UBAC2: variants seen among roughly 807,000 people sequenced by gnomAD.
UBAC2 encodes the protein UBA domain containing 2, also known as ubiquitin-associated domain-containing protein 2.
Under a neutral mutation model 44.0 loss-of-function variants are expected in UBAC2, and 26 were observed. That is an observed-to-expected ratio of 0.59 (90% CI 0.43 to 0.82). The LOEUF is 0.82. UBAC2 is among the 40% of genes least tolerant of loss of function. The probability of loss-of-function intolerance (pLI) is 0.00; values close to 1 mark genes in which losing one functional copy is unlikely to be tolerated. For missense variants in UBAC2, 329 were observed against 419.4 expected (o/e 0.78, Z 1.88); for synonymous variants, 155 against 154.3 (o/e 1.00, Z -0.04).
chr13:99,201,350 C>T, intron 1 of UBAC2: 1 of 1,552,892 alleles, frequency 6.4e-7, no homozygotes, highest in South Asian at 1.2e-5. Flanking sequence ...AACTAACTCC[C>T]CCCGCCCCCA....
At chr13:99,346,778 A>T (rs1455237128) in intron 7 of UBAC2, among the ~76,000 whole-genome samples, 1 of 152,158 alleles carries the variant, frequency 6.6e-6, no homozygotes, top group African/African-American at 2.4e-5. Flanking sequence ...TGGCACCGCA[A>T]ACCCGATGTT....
chr13:99,272,525 G>C (rs576050958), intron 4 of UBAC2, among the ~76,000 whole-genome samples: 2 of 152,292 alleles, frequency 1.3e-5, no homozygotes, highest in African/African-American at 4.8e-5. Context: ...GGCTTACACA[G>C]AAATTTATTT....
intron 4 of UBAC2, among the ~76,000 whole-genome samples, chr13:99,253,602 C>T (rs1238213757): frequency 3.3e-5 from 5 of 152,198 alleles, no homozygotes; most frequent in Admixed American, 3.3e-4. Flanking sequence ...CAGCCTCCGC[C>T]TCCTGGGTTC....
At chr13:99,302,960 A>G (rs371163027) in intron 4 of UBAC2, among the ~76,000 whole-genome samples, 4 of 152,198 alleles carry the variant, frequency 2.6e-5, no homozygotes, top group African/African-American at 9.7e-5. Flanking sequence ...ATTGAGAACA[A>G]TGATATTCAG....
intron 1 of UBAC2, among the ~76,000 whole-genome samples, chr13:99,237,267 T>C (rs377052097): frequency 0.3 from 35,718 of 118,136 alleles, 4,675 homozygotes; most frequent in Non-Finnish European, 0.39. Context: ...TATATATATA[T>C]ATATACACAC....
chr13:99,258,000 A>G (rs2043596737), intron 4 of UBAC2, among the ~76,000 whole-genome samples: 1 of 152,234 alleles, frequency 6.6e-6, no homozygotes, highest in African/African-American at 2.4e-5. Context: ...CCTGGGCACA[A>G]CTGATCCTCC....
At chr13:99,214,762 G>A (rs576574255) in intron 1 of UBAC2, among the ~76,000 whole-genome samples, 8 of 152,118 alleles carry the variant, frequency 5.3e-5, no homozygotes, top group African/African-American at 1.9e-4. Flanking sequence ...AGAGTTTCTA[G>A]GATTTTATTT....
intron 4 of UBAC2, among the ~76,000 whole-genome samples, chr13:99,292,285 A>G (rs1242110732): frequency 6.0e-5 from 9 of 150,074 alleles, no homozygotes; most frequent in South Asian, 2.1e-4. Context: ...ACAGGCGCCC[A>G]CCACCACGCC....
intron 4 of UBAC2, among the ~76,000 whole-genome samples, chr13:99,263,882 CA>C (rs1288075233): frequency 6.6e-6 from 1 of 152,090 alleles, no homozygotes; most frequent in East Asian, 1.9e-4. Context: ...AAAAGCCAGA[CA>C]TGAAGGAATT....
At chr13:99,249,060 T>TG (rs1357170698) in intron 4 of UBAC2, among the ~76,000 whole-genome samples, 1 of 152,174 alleles carries the variant, frequency 6.6e-6, no homozygotes, top group Non-Finnish European at 1.5e-5. Context: ...GGGGTACATG[T>TG]GAAGGTTTGT....
chr13:99,360,448 A>G (rs1341704330), intron 7 of UBAC2, among the ~76,000 whole-genome samples: 2 of 152,230 alleles, frequency 1.3e-5, no homozygotes, highest in Non-Finnish European at 2.9e-5. Context: ...GGTCATGGAA[A>G]TGTTTGAAAA....
chr13:99,231,316 C>T (rs1033833534), intron 1 of UBAC2: 1 of 151,834 alleles, frequency 6.6e-6, no homozygotes, highest in Admixed American at 6.6e-5. Context: ...TGTCAACATT[C>T]CTGTGGTTTG....
Position 99,295,052 on chromosome 13 carries a change from A to G in UBAC2, c.390-19045A>G, listed in dbSNP as rs758389041. ...TTTACGTCACTATAAACCAAAATAC[A>G]ATCCATTTCACTTTCCATTTGAAGA... is the stretch of plus-strand genomic sequence containing the variant. On this transcript the variant is annotated intron_variant, in intron 4 of 8. Transcript: ENST00000403766. This position sits in a 1 kb window ranked among gnomAD's most constrained non-coding sequence, Gnocchi z 4.1. 6 of 1,610,124 alleles carry G rather than the reference A, an allele frequency of 3.7e-6. No individual in the cohort carries two copies. The highest frequency in any genetic ancestry group is 5.1e-6 in the Non-Finnish European group (6 of 1,178,068).
At chr13:99,317,039 G>T (rs1440517314) in intron 5 of UBAC2, among the ~76,000 whole-genome samples, 1 of 152,206 alleles carries the variant, frequency 6.6e-6, no homozygotes, top group South Asian at 2.1e-4. Flanking sequence ...CAAAGGTTCA[G>T]ATTTAAAGTT....
chr13:99,373,735 G>A (rs1226867153), intron 8 of UBAC2, among the ~76,000 whole-genome samples: 3 of 152,132 alleles, frequency 2.0e-5, no homozygotes, highest in African/African-American at 7.2e-5. Context: ...GGAGGGCCGG[G>A]GCACTTCTTG....
chr13:99,246,785 A>C (rs1000129033), intron 4 of UBAC2, among the ~76,000 whole-genome samples: 4 of 152,102 alleles, frequency 2.6e-5, no homozygotes, highest in African/African-American at 9.7e-5. Context: ...AACTTGAATA[A>C]ATTGAAAAGT....
intron 5 of UBAC2, chr13:99,314,766 A>C (rs932662699): frequency 6.6e-6 from 1 of 152,368 alleles, no homozygotes. Context: ...CTAGAGTACT[A>C]CTGTCCAGGT....
intron 6 of UBAC2, among the ~76,000 whole-genome samples, chr13:99,328,841 G>C (rs1250299458): frequency 6.6e-6 from 1 of 151,980 alleles, no homozygotes; most frequent in Non-Finnish European, 1.5e-5. Context: ...TTGTTAACTG[G>C]TTTTTAAAAT....
At chr13:99,343,111 C>T (rs896186123) in intron 7 of UBAC2, among the ~76,000 whole-genome samples, 18 of 152,202 alleles carry the variant, frequency 1.2e-4, no homozygotes, top group African/African-American at 4.1e-4. Context: ...CACCCATGCC[C>T]TGCAGCCCCA....
Sources: gnomAD v4.1 joint callset for allele counts (sites outside exome capture counted in the v4.1 genomes callset) on GRCh38, gnomAD v4.1.1 for gene constraint, Gnocchi (gnomAD v3.1) non-coding constraint, MANE v1.5 for transcripts, NCBI Gene and HGNC (gene_info 2026-07-23, HGNC 2026-07-21) for gene names.